PDE4D: variants seen among roughly 807,000 people sequenced by gnomAD.
PDE4D encodes 3',5'-cyclic-AMP phosphodiesterase 4D.
In PDE4D, 24 loss-of-function variants were observed where a neutral mutation model predicts 87.4. The observed-to-expected ratio is 0.27, with a 90% CI of 0.20 to 0.39. PDE4D has a LOEUF of 0.39. Among genes scored for constraint, PDE4D ranks in the 10% least tolerant of loss-of-function variants. The pLI is 1.00. For synonymous variants in PDE4D, 384 were observed against 383.2 expected (o/e 1.00, Z -0.02); for missense variants, 714 against 1,041.0 (o/e 0.69, Z 4.32).
intron 3 of PDE4D, among the ~76,000 whole-genome samples, chr5:59,942,190 T>C (rs1757259635): frequency 6.6e-6 from 1 of 152,248 alleles, no homozygotes; most frequent in Non-Finnish European, 1.5e-5. Flanking sequence ...GTCCTTAGGA[T>C]CATTTCCAGA....
At chr5:60,294,397 T>C (rs1023219762) in intron 1 of PDE4D, among the ~76,000 whole-genome samples, 1 of 152,198 alleles carries the variant, frequency 6.6e-6, no homozygotes, top group Non-Finnish European at 1.5e-5. Context: ...CTCATTTACG[T>C]ATGTCTTTTG....
At chr5:59,499,821 C>T (rs1252311601) in intron 1 of PDE4D, among the ~76,000 whole-genome samples, 1 of 150,720 alleles carries the variant, frequency 6.6e-6, no homozygotes. Flanking sequence ...CAAATGGATT[C>T]ACAGCTGAAT....
chr5:59,935,483 A>G (rs1436416355), intron 3 of PDE4D, among the ~76,000 whole-genome samples: 1 of 152,238 alleles, frequency 6.6e-6, no homozygotes, highest in East Asian at 1.9e-4. Context: ...AGGAATACAC[A>G]ACATACAGAG....
chr5:60,271,125 C>T (rs1393384353), intron 1 of PDE4D, among the ~76,000 whole-genome samples: 1 of 152,118 alleles, frequency 6.6e-6, no homozygotes, highest in Non-Finnish European at 1.5e-5. Context: ...TTTTCACATG[C>T]CAGGCACTGG....
intron 4 of PDE4D, among the ~76,000 whole-genome samples, chr5:59,182,768 T>A (rs953807329): frequency 1.3e-5 from 2 of 152,156 alleles, no homozygotes; most frequent in Non-Finnish European, 2.9e-5. Flanking sequence ...GTTGCCTCGA[T>A]ACCTCCTCTA....
chr5:60,007,204 C>T (rs1161785547), intron 2 of PDE4D, among the ~76,000 whole-genome samples: 2 of 151,944 alleles, frequency 1.3e-5, no homozygotes, highest in Admixed American at 1.3e-4. Context: ...GTTACCACCC[C>T]AAACAATGAA....
chr5:59,071,547 T>TTG (rs1554061490), intron 5 of PDE4D, among the ~76,000 whole-genome samples: 1 of 151,304 alleles, frequency 6.6e-6, no homozygotes, highest in Non-Finnish European at 1.5e-5. Context: ...CTGAGTTGTT[T>TTG]TTTTTTTTTC....
intron 3 of PDE4D, among the ~76,000 whole-genome samples, chr5:59,187,870 G>A (rs192520969): frequency 4.6e-5 from 7 of 152,062 alleles, no homozygotes; most frequent in African/African-American, 1.7e-4. Context: ...GCTATTGGCA[G>A]AAGTGTAAAT....
intron 1 of PDE4D, among the ~76,000 whole-genome samples, chr5:59,289,538 C>G (rs1767613540): frequency 6.6e-6 from 1 of 151,778 alleles, no homozygotes; most frequent in Non-Finnish European, 1.5e-5. Context: ...GGAAATACCT[C>G]AACACAATAA....
chr5:59,139,142 A>G (rs779967052), intron 5 of PDE4D, among the ~76,000 whole-genome samples: 10 of 152,202 alleles, frequency 6.6e-5, no homozygotes, highest in Non-Finnish European at 8.8e-5. Flanking sequence ...GGGGATGCAC[A>G]TGGGAGAAAG....
At position 60,314,314 on chromosome 5, in the gene PDE4D, A is replaced by G. The variant is rs144596489; in HGVS notation, c.-89-128627T>C. ...CCCGAGTAGCTGGGATTACAGGAAC[A>G]TGCTGCCATGCCCAACTGATTTTTT... On this transcript the variant is annotated intron_variant, in intron 1 of 16. Transcript: ENST00000502484. 2.6e-5 allele frequency among the ~76,000 whole-genome samples: 4 copies of G among 151,818 alleles called. No homozygotes were observed. In the East Asian group the frequency reaches 7.8e-4, roughly 29 times the overall value.
chr5:60,460,752 G>A (rs1161161567), intron 1 of PDE4D: 3 of 652,328 alleles, frequency 4.6e-6, no homozygotes, highest in Non-Finnish European at 5.4e-6. Context: ...TGCTAGGGAA[G>A]TCCAAGAACC....
At chr5:60,371,652 A>G (rs982563941) in intron 1 of PDE4D, among the ~76,000 whole-genome samples, 2 of 152,184 alleles carry the variant, frequency 1.3e-5, no homozygotes, top group Admixed American at 6.6e-5. Context: ...AGGACCCTAG[A>G]AGCCCACTTA....
At chr5:59,832,866 T>C (rs112755805) in intron 1 of PDE4D, among the ~76,000 whole-genome samples, 34 of 152,162 alleles carry the variant, frequency 2.2e-4, no homozygotes, top group Non-Finnish European at 3.8e-4. Context: ...GAAAAAGCTT[T>C]AATTTCAAGG....
chr5:60,262,643 G>A (rs948515534), intron 1 of PDE4D: 2 of 152,186 alleles, frequency 1.3e-5, no homozygotes, highest in East Asian at 1.9e-4. Context: ...AAAAGTACGT[G>A]ATGAGACTAA....
At chr5:60,106,407 T>A (rs1776921564) in intron 2 of PDE4D, among the ~76,000 whole-genome samples, 1 of 151,480 alleles carries the variant, frequency 6.6e-6, no homozygotes, top group East Asian at 1.9e-4. Context: ...ACAATAATAA[T>A]GGGAGACTTT....
upstream of PDE4D, among the ~76,000 whole-genome samples, chr5:60,492,903 A>T (rs556813323): frequency 2.0e-5 from 3 of 152,056 alleles, no homozygotes; most frequent in East Asian, 5.8e-4. Context: ...AAAAAAGATT[A>T]AAAAAAAGAA....
intron 3 of PDE4D, among the ~76,000 whole-genome samples, chr5:59,962,250 T>C (rs1759551762): frequency 6.6e-6 from 1 of 152,156 alleles, no homozygotes; most frequent in Non-Finnish European, 1.5e-5. Flanking sequence ...AAATTTCAAA[T>C]AGATATGATG....
chr5:59,879,772 G>A (rs939827038), intron 1 of PDE4D, among the ~76,000 whole-genome samples: 2 of 152,116 alleles, frequency 1.3e-5, no homozygotes, highest in African/African-American at 2.4e-5. Context: ...CGAAAGTCTC[G>A]CTCTGTCACC....
Sources: allele counts gnomAD v4.1 joint callset (sites outside exome capture counted in the v4.1 genomes callset), GRCh38; gene constraint gnomAD v4.1.1; transcripts MANE v1.5; gene names NCBI Gene and HGNC (gene_info 2026-07-23, HGNC 2026-07-21).